PTGIS: variants seen among roughly 807,000 people sequenced by gnomAD.
PTGIS encodes the protein prostaglandin I2 synthase, also known as prostacyclin synthase.
In PTGIS, 45 loss-of-function variants were observed where a neutral mutation model predicts 50.3. That is an observed-to-expected ratio of 0.90 (90% CI 0.70 to 1.15). PTGIS has a LOEUF of 1.15. Ranked by LOEUF, PTGIS falls within the 50% of genes most tolerant of loss-of-function variation. PTGIS has a pLI of 0.00. For missense variants in PTGIS, 668 were observed against 661.3 expected (o/e 1.01, Z -0.11); for synonymous variants, 260 against 267.7 (o/e 0.97, Z 0.28).
chr20:49,561,243 G>A (rs550285451), intron 1 of PTGIS, among the ~76,000 whole-genome samples: 8 of 152,084 alleles, frequency 5.3e-5, no homozygotes, highest in South Asian at 2.1e-4. Flanking sequence ...GGGACAGCTC[G>A]TGGGCAGGAG....
intron 1 of PTGIS, among the ~76,000 whole-genome samples, chr20:49,560,798 C>T (rs745715047): frequency 3.9e-5 from 6 of 152,012 alleles, no homozygotes; most frequent in Non-Finnish European, 7.4e-5. Context: ...AATGTGGGGA[C>T]GAGACGTAGG....
Position 49,504,248 on chromosome 20 carries a change from A to G in PTGIS, c.*3672T>C, listed in dbSNP as rs984259498. 1 of 152,258 alleles carries G rather than the reference A, an allele frequency of 6.6e-6. No homozygotes were observed. Among genetic ancestry groups the G allele is most frequent in the Non-Finnish European group, 1.5e-5 (1 of 68,038 alleles). 9.4% of individuals were successfully genotyped at this position (152,258 alleles called of 1,614,324 possible). On this transcript the variant is annotated 3_prime_UTR_variant, in exon 10 of 10. Transcript: ENST00000244043. Reference sequence around the variant, plus strand: ...TAACACTTGCTTATCTCGTTTTGTAACAGAGAAGAGAGAGCTCTCAGCCTT... The same window carrying G: ...TAACACTTGCTTATCTCGTTTTGTAGCAGAGAAGAGAGAGCTCTCAGCCTT...
intron 3 of PTGIS, among the ~76,000 whole-genome samples, chr20:49,544,901 T>C (rs1568681679): frequency 6.6e-6 from 1 of 152,160 alleles, no homozygotes; most frequent in Non-Finnish European, 1.5e-5. Flanking sequence ...GAAAAGCAAC[T>C]CATCTCTCCC....
intron 5 of PTGIS, among the ~76,000 whole-genome samples, chr20:49,536,138 T>C (rs6091000): frequency 0.081 from 12,346 of 152,250 alleles, 682 homozygotes; most frequent in African/African-American, 0.15. Context: ...ATGTGCATAT[T>C]TGTCTCTAGT....
chr20:49,525,689 A>G (rs929255465), intron 5 of PTGIS, among the ~76,000 whole-genome samples: 3 of 152,148 alleles, frequency 2.0e-5, no homozygotes, highest in African/African-American at 7.2e-5. Context: ...TAAAGTTTAA[A>G]ACAAAAATAT....
At chr20:49,512,605 T>A (rs1306169122) in intron 8 of PTGIS, among the ~76,000 whole-genome samples, 2 of 152,200 alleles carry the variant, frequency 1.3e-5, no homozygotes, top group African/African-American at 4.8e-5. Flanking sequence ...TGTGAAAGTT[T>A]ACTTCTTCTC....
chr20:49,533,845 C>T (rs1020115687), intron 5 of PTGIS, among the ~76,000 whole-genome samples: 1 of 152,096 alleles, frequency 6.6e-6, no homozygotes, highest in African/African-American at 2.4e-5. Context: ...CCTGTAATCC[C>T]AGCTACTCGG....
chr20:49,542,455 G>A (rs372574947), intron 4 of PTGIS, among the ~76,000 whole-genome samples: 2 of 152,196 alleles, frequency 1.3e-5, no homozygotes. Flanking sequence ...ATGGATTTAC[G>A]TCTGATTCCC....
rs778324608 is a variant in PTGIS, at chr20:49,513,068, C to T, written c.1206+12G>A. On this transcript the variant is annotated intron_variant, in intron 8 of 9. Coordinates refer to ENST00000244043, the MANE Select transcript of PTGIS (RefSeq NM_000961.4). Reference sequence around the variant, plus strand: ...CACAGACCCCATATGACCAGGCGCCCCTGCCATTTACCTCTGGGTCTGTGT... The same window carrying T: ...CACAGACCCCATATGACCAGGCGCCTCTGCCATTTACCTCTGGGTCTGTGT... 1.9e-6 allele frequency: 3 copies of T among 1,614,124 alleles called. No individual in the cohort carries two copies. The Admixed American group carries it at 5.0e-5, about 27-fold the overall frequency.
chr20:49,554,401 G>A (rs763360145), intron 1 of PTGIS, among the ~76,000 whole-genome samples: 1 of 152,156 alleles, frequency 6.6e-6, no homozygotes, highest in African/African-American at 2.4e-5. Flanking sequence ...TTTAATGAAG[G>A]TTATTACATC....
At chr20:49,533,266 CAG>C (rs760803804) in intron 5 of PTGIS, among the ~76,000 whole-genome samples, 70 of 152,190 alleles carry the variant, frequency 4.6e-4, no homozygotes, top group Non-Finnish European at 8.4e-4. Context: ...TGAAATGCAT[CAG>C]AGTTTTGCAT....
rs538807662 is a variant in PTGIS at position 49,540,911 on chromosome 20, G to A, written c.522-1190C>T. On this transcript the variant is annotated intron_variant, in intron 4 of 9. Transcript: ENST00000244043. The surrounding 1 kb of genome is among the most constrained non-coding windows in gnomAD (Gnocchi z 4.8). The stretch of plus-strand genomic sequence containing the variant: ...GCTCCTGGATCCCTGTGCAGACAAA[G>A]ACCAGAGACCAGGATCTCTCAGGAG... Among the ~76,000 whole-genome samples, 3 of 152,322 alleles carry A rather than the reference G, an allele frequency of 2.0e-5. No homozygotes were observed. In the East Asian group the frequency reaches 5.8e-4, roughly 29 times the overall value.
chr20:49,510,099 G>A (rs1754957760), intron 9 of PTGIS, among the ~76,000 whole-genome samples: 1 of 151,748 alleles, frequency 6.6e-6, no homozygotes, highest in Admixed American at 6.6e-5. Context: ...ATGTTGGCTA[G>A]GCTGGTCTCC....
intron 5 of PTGIS, among the ~76,000 whole-genome samples, chr20:49,534,307 T>G (rs1307173720): frequency 2.6e-5 from 4 of 152,218 alleles, no homozygotes; most frequent in Non-Finnish European, 5.9e-5. Context: ...TTTCAGCAGG[T>G]TCTGCCAAAA....
At position 49,541,463 on chromosome 20, in the gene PTGIS, G is replaced by A. The variant is rs144715076; in HGVS notation, c.522-1742C>T. Among the ~76,000 whole-genome samples, 134 of 152,274 alleles carry A rather than the reference G, an allele frequency of 8.8e-4. 1 individual carries two copies. The highest frequency in any genetic ancestry group is 3.1e-3 in the African/African-American group (129 of 41,540). On this transcript the variant is annotated intron_variant, in intron 4 of 9. Coordinates refer to ENST00000244043, the MANE Select transcript of PTGIS (RefSeq NM_000961.4). ...AAAAAGTAAACCGGCCGGGAGAGGT[G>A]GCTCACGCCTGTAATCCTAGCACTT... is the stretch of plus-strand genomic sequence containing the variant.
intron 6 of PTGIS, among the ~76,000 whole-genome samples, chr20:49,515,498 C>A (rs1981451633): frequency 6.6e-6 from 1 of 152,116 alleles, no homozygotes; most frequent in African/African-American, 2.4e-5. Context: ...TTTTTGTCTG[C>A]CGTGACTATT....
chr20:49,564,352 C>T (rs1004018381), intron 1 of PTGIS, among the ~76,000 whole-genome samples: 7 of 151,990 alleles, frequency 4.6e-5, no homozygotes, highest in Non-Finnish European at 7.4e-5. Context: ...CCTGGGTTCA[C>T]GCCATTCTCC....
chr20:49,553,513 G>T (rs1378018663), intron 1 of PTGIS, among the ~76,000 whole-genome samples: 1 of 151,876 alleles, frequency 6.6e-6, no homozygotes, highest in Non-Finnish European at 1.5e-5. Flanking sequence ...TGAAATAAAT[G>T]CTTATAAATA....
intron 1 of PTGIS, among the ~76,000 whole-genome samples, chr20:49,552,537 G>GTC (rs1156623375): frequency 4.0e-5 from 6 of 149,966 alleles, no homozygotes; most frequent in Non-Finnish European, 7.5e-5. Context: ...CTCTCTGTCT[G>GTC]TCTCTCTCTC....
Sources: allele counts gnomAD v4.1 joint callset (sites outside exome capture counted in the v4.1 genomes callset), GRCh38; gene constraint gnomAD v4.1.1; non-coding constraint Gnocchi (gnomAD v3.1); transcripts MANE v1.5; gene names NCBI Gene and HGNC (gene_info 2026-07-23, HGNC 2026-07-21).